Variants in CMKLR2 observed in about 807,000 individuals in gnomAD.
CMKLR2 encodes the protein chemerin chemokine-like receptor 2.
Under a neutral mutation model 23.0 loss-of-function variants are expected in CMKLR2, and 18 were observed. The observed-to-expected ratio is 0.78, with a 90% CI of 0.54 to 1.16. The LOEUF (loss-of-function observed/expected upper bound fraction) is 1.16, where lower values mean the gene tolerates loss of function less well. CMKLR2 is among the 50% of genes most tolerant of loss of function. CMKLR2 has a pLI of 0.00. For missense variants in CMKLR2, 401 were observed against 412.7 expected, an observed-to-expected ratio of 0.97 and a Z score of 0.25; for synonymous variants, 158 against 158.9, an observed-to-expected ratio of 0.99 and a Z score of 0.05.
chr2:206,200,149 C>T (rs1008429935), intron 1 of CMKLR2, among the ~76,000 whole-genome samples: 1 of 151,780 alleles, frequency 6.6e-6, no homozygotes, highest in Non-Finnish European at 1.5e-5. Flanking sequence ...GTCGGCCGGA[C>T]GCAGTGGCTC....
intron 1 of CMKLR2, among the ~76,000 whole-genome samples, chr2:206,208,969 C>A (rs1177352774): frequency 6.6e-6 from 1 of 152,150 alleles, no homozygotes; most frequent in Non-Finnish European, 1.5e-5. Flanking sequence ...TTAGGCCCAG[C>A]CTTCTATTTT....
chr2:206,215,926 C>T (rs370569072), upstream of CMKLR2, among the ~76,000 whole-genome samples: 78 of 152,306 alleles, frequency 5.1e-4, no homozygotes, highest in African/African-American at 1.8e-3. Context: ...TCCAGACGTT[C>T]TGACTTCAAA....
chr2:206,189,363 G>T (rs1045042330), intron 1 of CMKLR2, among the ~76,000 whole-genome samples: 1 of 152,158 alleles, frequency 6.6e-6, no homozygotes, highest in Admixed American at 6.6e-5. Context: ...GGCAGGGAGC[G>T]GTGGCTCACG....
At chr2:206,178,939 G>A (rs1688314821) in intron 1 of CMKLR2, among the ~76,000 whole-genome samples, 1 of 151,660 alleles carries the variant, frequency 6.6e-6, no homozygotes, top group Admixed American at 6.6e-5. Context: ...GTAAGCCAGA[G>A]TGCCTGGCCA....
intron 1 of CMKLR2, among the ~76,000 whole-genome samples, chr2:206,187,085 G>A (rs992323522): frequency 3.3e-5 from 5 of 152,122 alleles, no homozygotes; most frequent in African/African-American, 1.2e-4. Context: ...AGTAGCTCAT[G>A]CCTGTAATCT....
chr2:206,188,713 T>G (rs1474597181), intron 1 of CMKLR2, among the ~76,000 whole-genome samples: 1 of 152,202 alleles, frequency 6.6e-6, no homozygotes, highest in Non-Finnish European at 1.5e-5. Flanking sequence ...GTTATCACAT[T>G]CCTGGGTTAC....
chr2:206,180,734 C>CATTATTATTATTATTATTATT (rs58356678), intron 1 of CMKLR2, among the ~76,000 whole-genome samples: 38 of 130,556 alleles, frequency 2.9e-4, no homozygotes, highest in Admixed American at 8.2e-4. Flanking sequence ...GTGCCCAGCC[C>CATTATTATTATTATTATTATT]ATTATTATTA....
At chr2:206,194,965 C>A (rs538466457) in intron 1 of CMKLR2, among the ~76,000 whole-genome samples, 1 of 150,142 alleles carries the variant, frequency 6.7e-6, no homozygotes, top group South Asian at 2.1e-4. Flanking sequence ...ACTGTGTTAG[C>A]CAAGATGGTC....
At chr2:206,199,782 G>A (rs1689034829) in intron 1 of CMKLR2, among the ~76,000 whole-genome samples, 1 of 151,876 alleles carries the variant, frequency 6.6e-6, no homozygotes, top group South Asian at 2.1e-4. Context: ...TTTTAGTAGA[G>A]ATGGGGTTTT....
intron 1 of CMKLR2, among the ~76,000 whole-genome samples, chr2:206,198,664 T>C (rs906914537): frequency 9.9e-5 from 15 of 152,254 alleles, no homozygotes; most frequent in South Asian, 4.1e-4. Context: ...ATTCTGCAAA[T>C]GAAAACAAAA....
intron 1 of CMKLR2, among the ~76,000 whole-genome samples, chr2:206,185,327 G>GA (rs1055558486): frequency 6.6e-6 from 1 of 152,164 alleles, no homozygotes; most frequent in Non-Finnish European, 1.5e-5. Context: ...AAGACTCGTT[G>GA]AAAAAATAAC....
intron 1 of CMKLR2, chr2:206,203,769 G>T (rs892818232): frequency 6.6e-6 from 1 of 152,280 alleles, no homozygotes; most frequent in East Asian, 1.9e-4. Context: ...CTCCCAAGTA[G>T]CTGGGACTCC....
Position 206,176,766 on chromosome 2 carries a change from A to G in CMKLR2, c.482T>C (p.Ile161Thr). 6.2e-7 allele frequency: 1 copy of G among 1,614,216 alleles called. No individual in the cohort carries two copies. Among genetic ancestry groups the G allele is most frequent in the Non-Finnish European group, 8.5e-7 (1 of 1,180,028 alleles). Residue 161 changes from isoleucine to threonine, a missense_variant, in exon 2 of 2, where the codon ATC becomes ACC. By Grantham distance (89) the Ile-to-Thr change is moderately conservative. Coordinates refer to ENST00000621141, the MANE Select transcript of CMKLR2 (RefSeq NM_001389445.1). The stretch of plus-strand genomic sequence containing the variant: ...GCCAATTAGAGAAGCCAAAAGCCAG[A>G]TGAATATAATGACAATCAGAGAGTT... ...LKNSLIVIIF[I>T]WLLASLIGGP...
chr2:206,209,647 C>CTTTT (rs71034424), intron 1 of CMKLR2, among the ~76,000 whole-genome samples: 4 of 134,852 alleles, frequency 3.0e-5, no homozygotes, highest in African/African-American at 5.5e-5. Context: ...TCTTTTCTTT[C>CTTTT]TTTTTTTTTT....
chr2:206,199,238 A>G (rs1394811079), intron 1 of CMKLR2, among the ~76,000 whole-genome samples: 1 of 152,194 alleles, frequency 6.6e-6, no homozygotes, highest in Non-Finnish European at 1.5e-5. Context: ...CTCCACTAAA[A>G]ATACAAAAAA....
At chr2:206,202,930 C>T (rs1481404818) in intron 1 of CMKLR2, among the ~76,000 whole-genome samples, 1 of 152,016 alleles carries the variant, frequency 6.6e-6, no homozygotes. Context: ...ACCTTCCACC[C>T]TAGTTCTTTC....
intron 1 of CMKLR2, among the ~76,000 whole-genome samples, chr2:206,193,992 A>G (rs1688836564): frequency 6.6e-6 from 1 of 152,212 alleles, no homozygotes; most frequent in Non-Finnish European, 1.5e-5. Flanking sequence ...TTGGTGGTCA[A>G]TGTATTCTTA....
chr2:206,198,235 G>C (rs1369726177), intron 1 of CMKLR2, among the ~76,000 whole-genome samples: 1 of 152,134 alleles, frequency 6.6e-6, no homozygotes, highest in African/African-American at 2.4e-5. Context: ...GTTCTGACCT[G>C]CCGTAACACT....
At chr2:206,201,137 C>T (rs888471671) in intron 1 of CMKLR2, among the ~76,000 whole-genome samples, 2 of 151,924 alleles carry the variant, frequency 1.3e-5, no homozygotes, top group Non-Finnish European at 2.9e-5. Context: ...TTTTTTGCAG[C>T]GATGGGGTTT....
Sources: gnomAD v4.1 joint callset for allele counts (sites outside exome capture counted in the v4.1 genomes callset) on GRCh38, gnomAD v4.1.1 for gene constraint, MANE v1.5 for transcripts, NCBI Gene and HGNC (gene_info 2026-07-23, HGNC 2026-07-21) for gene names.